Variants in SPAG16 observed in about 807,000 individuals in gnomAD.
The protein encoded by SPAG16 is sperm-associated antigen 16 protein.
In SPAG16, 86 loss-of-function variants were observed where a neutral mutation model predicts 80.4. The observed-to-expected ratio is 1.07, with a 90% CI of 0.90 to 1.28. SPAG16 has a LOEUF of 1.28. SPAG16 is among the 50% of genes most tolerant of loss of function. The pLI is 0.00. For missense variants in SPAG16, 870 were observed against 765.3 expected (o/e 1.14, Z -1.61); for synonymous variants, 294 against 265.9 (o/e 1.11, Z -1.03).
intron 10 of SPAG16, among the ~76,000 whole-genome samples, chr2:213,752,263 T>C (rs1425008017): frequency 6.6e-6 from 1 of 152,194 alleles, no homozygotes; most frequent in African/African-American, 2.4e-5. Context: ...CCAATGTAGT[T>C]ATATCACCAT....
intron 15 of SPAG16, among the ~76,000 whole-genome samples, chr2:214,370,566 G>A (rs897952276): frequency 2.0e-5 from 3 of 152,134 alleles, no homozygotes; most frequent in African/African-American, 7.2e-5. Context: ...CCAAGAGAGT[G>A]AGAGAGAGTG....
At chr2:214,099,788 G>A (rs2052868112) in intron 13 of SPAG16, among the ~76,000 whole-genome samples, 1 of 152,000 alleles carries the variant, frequency 6.6e-6, no homozygotes. Flanking sequence ...AATAAAAATT[G>A]TAGGGATGTT....
intron 9 of SPAG16, among the ~76,000 whole-genome samples, chr2:213,384,742 T>A (rs2067337684): frequency 6.6e-6 from 1 of 152,188 alleles, no homozygotes. Context: ...AGTGACTTTT[T>A]ACAAGGTTGC....
chr2:213,753,414 C>T (rs2068175299), intron 10 of SPAG16, among the ~76,000 whole-genome samples: 1 of 152,128 alleles, frequency 6.6e-6, no homozygotes, highest in South Asian at 2.1e-4. Context: ...TGTGGGATAC[C>T]ACCAGATTAT....
At chr2:213,618,669 A>T (rs2061674709) in intron 10 of SPAG16, among the ~76,000 whole-genome samples, 1 of 151,948 alleles carries the variant, frequency 6.6e-6, no homozygotes, top group South Asian at 2.1e-4. Flanking sequence ...TAGTTTGCTG[A>T]ATATGCTATA....
chr2:213,587,728 ATTCT>A (rs1559283918), intron 10 of SPAG16, among the ~76,000 whole-genome samples: 4 of 151,192 alleles, frequency 2.6e-5, no homozygotes, highest in African/African-American at 9.9e-5. Context: ...AATATTTTAA[ATTCT>A]CTCTTTTTAC....
intron 10 of SPAG16, among the ~76,000 whole-genome samples, chr2:213,736,107 T>A (rs1182134324): frequency 6.6e-6 from 1 of 152,208 alleles, no homozygotes. Flanking sequence ...GCTTACTCTA[T>A]TCAATAATTT....
intron 11 of SPAG16, among the ~76,000 whole-genome samples, chr2:213,874,389 C>A (rs981347640): frequency 2.0e-5 from 3 of 152,034 alleles, no homozygotes; most frequent in Non-Finnish European, 4.4e-5. Context: ...TGTGCTTTTT[C>A]TATAAATTTT....
At chr2:213,502,733 C>T (rs2074796411) in intron 10 of SPAG16, among the ~76,000 whole-genome samples, 1 of 152,178 alleles carries the variant, frequency 6.6e-6, no homozygotes, top group Non-Finnish European at 1.5e-5. Flanking sequence ...TAATATGGTA[C>T]TATTATTCAT....
chr2:214,122,649 T>C (rs1264619642), intron 14 of SPAG16, among the ~76,000 whole-genome samples: 2 of 151,864 alleles, frequency 1.3e-5, no homozygotes, highest in Non-Finnish European at 2.9e-5. Context: ...TCAGGCAGTA[T>C]TTATGCACCA....
chr2:213,695,402 T>C (rs549762192), intron 10 of SPAG16, among the ~76,000 whole-genome samples: 2 of 152,342 alleles, frequency 1.3e-5, no homozygotes, highest in South Asian at 4.1e-4. Context: ...TATTTTTCAT[T>C]CATTCATTTT....
chr2:213,702,904 C>T (rs1362860589), intron 10 of SPAG16, among the ~76,000 whole-genome samples: 1 of 152,170 alleles, frequency 6.6e-6, no homozygotes, highest in Non-Finnish European at 1.5e-5. Flanking sequence ...AGGAGGTGGG[C>T]TTCTCTTTGG....
chr2:214,252,914 C>A (rs1690401844), intron 15 of SPAG16, among the ~76,000 whole-genome samples: 1 of 152,102 alleles, frequency 6.6e-6, no homozygotes, highest in South Asian at 2.1e-4. Context: ...GTCCCACCAA[C>A]AGTGTAAAAT....
chr2:214,125,001 A>G (rs1323621024), intron 14 of SPAG16, among the ~76,000 whole-genome samples: 1 of 151,824 alleles, frequency 6.6e-6, no homozygotes, highest in Non-Finnish European at 1.5e-5. Context: ...ACCTAAATTC[A>G]TTGAATTTTT....
At chr2:213,505,018 T>C (rs1407033923) in intron 10 of SPAG16, among the ~76,000 whole-genome samples, 1 of 152,224 alleles carries the variant, frequency 6.6e-6, no homozygotes, top group Non-Finnish European at 1.5e-5. Flanking sequence ...TAAACACTTA[T>C]TTTGGTTCGA....
At position 214,369,409 on chromosome 2, in the gene SPAG16, T is replaced by A. The variant is rs185780912; in HGVS notation, c.1721-40731T>A. Among the ~76,000 whole-genome samples the A allele has an allele frequency of 1.3e-4, 20 of 152,250 alleles. No individual in the cohort carries two copies. In the East Asian group the frequency reaches 3.1e-3, roughly 24 times the overall value. On this transcript the variant is annotated intron_variant, in intron 15 of 15. Transcript: ENST00000331683. ...AATGAAGATAACTTTTCTTTTCATA[T>A]TATAGGAGGTTATAAAAGCCACATG...
intron 15 of SPAG16, among the ~76,000 whole-genome samples, chr2:214,381,053 C>G (rs139936009): frequency 1.3e-5 from 2 of 152,306 alleles, no homozygotes; most frequent in African/African-American, 4.8e-5. Context: ...CAAGGGAAAG[C>G]AGAATGCTAC....
chr2:214,044,478 C>T (rs1377962120), intron 13 of SPAG16, among the ~76,000 whole-genome samples: 1 of 152,080 alleles, frequency 6.6e-6, no homozygotes, highest in South Asian at 2.1e-4. Context: ...GAGGGTGGAA[C>T]AATATGGAAG....
chr2:214,387,641 G>A (rs1013457200), intron 15 of SPAG16, among the ~76,000 whole-genome samples: 3 of 150,376 alleles, frequency 2.0e-5, no homozygotes, highest in African/African-American at 5.0e-5. Context: ...GAAGGAAAGA[G>A]GTTTAATTCA....
Sources: gnomAD v4.1 joint callset for allele counts (sites outside exome capture counted in the v4.1 genomes callset) on GRCh38, gnomAD v4.1.1 for gene constraint, MANE v1.5 for transcripts, NCBI Gene and HGNC (gene_info 2026-07-23, HGNC 2026-07-21) for gene names.